The following GABPB2 variants were observed in gnomAD, a reference collection of about 807,000 sequenced individuals.
GABPB2 encodes GA-binding protein subunit beta-2.
In GABPB2, 23 loss-of-function variants were observed where a neutral mutation model predicts 39.1. That is an observed-to-expected ratio of 0.59 (90% CI 0.42 to 0.83). GABPB2 has a LOEUF of 0.83. Ranked by LOEUF, GABPB2 falls within the 40% of genes least tolerant of loss-of-function variation. The pLI is 0.00. For synonymous variants in GABPB2, 184 were observed against 199.3 expected (o/e 0.92, Z 0.65); for missense variants, 467 against 541.1 (o/e 0.86, Z 1.36).
chr1:151,084,046 T>C lies in GABPB2; in HGVS notation c.1-4144T>C, dbSNP rs587735588. Among the ~76,000 whole-genome samples, 20 of 150,238 alleles carry C rather than the reference T, an allele frequency of 1.3e-4. 1 individual carries two copies. The South Asian group carries it at 4.0e-3, about 30-fold the overall frequency. ...GAGCCACCGTGCCCATCCTTTTATTTTTATTATATATATAAAAAAATATAT... is the reference window on the plus strand; with the variant it reads ...GAGCCACCGTGCCCATCCTTTTATTCTTATTATATATATAAAAAAATATAT... On this transcript the variant is annotated intron_variant, in intron 1 of 8. Coordinates refer to ENST00000368918, the MANE Select transcript of GABPB2 (RefSeq NM_144618.3).
intron 1 of GABPB2, among the ~76,000 whole-genome samples, chr1:151,082,537 G>A (rs1677817263): frequency 1.3e-5 from 2 of 150,436 alleles, no homozygotes; most frequent in Admixed American, 1.3e-4. Context: ...TGAGTAGCTG[G>A]GACTACAGGC....
At chr1:151,085,965 G>A (rs901635011) in intron 1 of GABPB2, among the ~76,000 whole-genome samples, 3 of 152,188 alleles carry the variant, frequency 2.0e-5, no homozygotes, top group African/African-American at 7.2e-5. Flanking sequence ...TAGAGAAGAG[G>A]CTGGGTGTGG....
chr1:151,110,462 ATAAAC>A (rs1345449496), intron 7 of GABPB2, among the ~76,000 whole-genome samples: 1 of 151,894 alleles, frequency 6.6e-6, no homozygotes, highest in East Asian at 1.9e-4. Flanking sequence ...TTTTACCTAA[ATAAAC>A]TATACTACTT....
rs587662592 is a variant in GABPB2 at position 151,117,568 on chromosome 1, C to G, written c.1047+52C>G. 2,684 of 1,554,672 alleles carry G rather than the reference C, an allele frequency of 1.7e-3. 64 individuals are homozygous for G. In the South Asian group the frequency reaches 0.029, roughly 17 times the overall value. On this transcript the variant is annotated intron_variant, in intron 8 of 8. Coordinates refer to ENST00000368918, the MANE Select transcript of GABPB2 (RefSeq NM_144618.3). ...AATTTAAAGCCTTAATTATTAAGGC[C>G]TGAACCCTTCTTCATCTTTTCTTTT...
At chr1:151,072,371 AC>A (rs1676801945) in intron 1 of GABPB2, among the ~76,000 whole-genome samples, 1 of 151,494 alleles carries the variant, frequency 6.6e-6, no homozygotes, top group African/African-American at 2.4e-5. Flanking sequence ...AAATAGGGAG[AC>A]CCCTGTCGGT....
At chr1:151,092,534 A>C (rs960052647) in intron 3 of GABPB2, among the ~76,000 whole-genome samples, 4 of 151,670 alleles carry the variant, frequency 2.6e-5, no homozygotes, top group African/African-American at 9.7e-5. Flanking sequence ...GATTACAGGC[A>C]TGAGCCATTG....
At chr1:151,099,497 A>G (rs1039192557) in intron 5 of GABPB2, among the ~76,000 whole-genome samples, 1 of 152,212 alleles carries the variant, frequency 6.6e-6, no homozygotes, top group African/African-American at 2.4e-5. Flanking sequence ...CACCTGGCCT[A>G]TCAGTTAGCA....
Position 151,088,267 on chromosome 1 carries a change from G to A in GABPB2, c.78G>A (p.Met26Ile), listed in dbSNP as rs1451713550. The A allele has an allele frequency of 6.2e-7, 1 of 1,613,750 alleles. No individual in the cohort carries two copies. The highest frequency in any genetic ancestry group is 1.7e-5 in the Admixed American group (1 of 59,930). ...KGQDDEVRTL[M>I]ANGAPFTTDW... The stretch of plus-strand genomic sequence containing the variant: ...AAGATGATGAAGTGAGAACGTTGAT[G>A]GCAAATGGCGCCCCATTCACCACAG... The change falls in exon 2 of 9, where the codon ATG (methionine) becomes ATA (isoleucine). Residue 26 changes from methionine (M) to isoleucine (I), a missense_variant. Coordinates refer to ENST00000368918, the MANE Select transcript of GABPB2 (RefSeq NM_144618.3).
chr1:151,086,594 CA>C (rs2101473803), intron 1 of GABPB2, among the ~76,000 whole-genome samples: 1 of 152,204 alleles, frequency 6.6e-6, no homozygotes, highest in Non-Finnish European at 1.5e-5. Flanking sequence ...CAGGGACCAC[CA>C]GGGGTCCATA....
rs183496552 is a variant in GABPB2, at chr1:151,102,545, C to T, written c.623-1017C>T. Among the ~76,000 whole-genome samples the T allele has an allele frequency of 1.2e-4, 18 of 152,116 alleles. No individual in the cohort carries two copies. The East Asian group carries it at 3.3e-3, about 28-fold the overall frequency. ...GCAATCTCCACTTCCTAAGTTCAAG[C>T]GATTCTCTTGCCTCAGCCTCCTGAG... On this transcript the variant is annotated intron_variant, in intron 5 of 8. Transcript: ENST00000368918.
At chr1:151,073,650 G>C (rs1255092318) in intron 1 of GABPB2, among the ~76,000 whole-genome samples, 2 of 152,104 alleles carry the variant, frequency 1.3e-5, no homozygotes, top group African/African-American at 4.8e-5. Context: ...AGGCCGGCGC[G>C]GTGGCTCATC....
chr1:151,099,290 C>T (rs1475512312), intron 5 of GABPB2, among the ~76,000 whole-genome samples: 2 of 151,654 alleles, frequency 1.3e-5, no homozygotes, highest in African/African-American at 4.8e-5. Context: ...CTTTGCCTCC[C>T]GGGTTCAAGC....
intron 5 of GABPB2, among the ~76,000 whole-genome samples, 155 bp downstream of exon 5, chr1:151,098,157 T>C (rs1260378700): frequency 6.6e-6 from 1 of 152,226 alleles, no homozygotes; most frequent in Non-Finnish European, 1.5e-5. Flanking sequence ...GAGGTACTTA[T>C]TCTTTCTGGG....
At chr1:151,084,930 T>C (rs934846966) in intron 1 of GABPB2, among the ~76,000 whole-genome samples, 1 of 151,912 alleles carries the variant, frequency 6.6e-6, no homozygotes, top group Non-Finnish European at 1.5e-5. Context: ...ACTCTGTCTC[T>C]ACAAAAAATT....
chr1:151,109,004 T>G (rs958955331), intron 7 of GABPB2, among the ~76,000 whole-genome samples: 1 of 151,836 alleles, frequency 6.6e-6, no homozygotes, highest in African/African-American at 2.4e-5. Context: ...TGGGGCAACA[T>G]AGCAAGACCC....
intron 7 of GABPB2, among the ~76,000 whole-genome samples, chr1:151,107,709 G>A (rs1680082309): frequency 6.6e-6 from 1 of 152,118 alleles, no homozygotes; most frequent in South Asian, 2.1e-4. Flanking sequence ...GCTGACGCAG[G>A]AGGATCACTT....
chr1:151,082,160 T>G (rs2101453200), intron 1 of GABPB2, among the ~76,000 whole-genome samples: 1 of 141,418 alleles, frequency 7.1e-6, no homozygotes, highest in South Asian at 2.4e-4. Context: ...CACCACAACC[T>G]CTACCTCCCG....
chr1:151,089,972 C>T (rs775063616), intron 2 of GABPB2, among the ~76,000 whole-genome samples: 1 of 147,266 alleles, frequency 6.8e-6, no homozygotes, highest in South Asian at 2.1e-4. Context: ...GTGTTTCACT[C>T]TGTCGCCCAG....
chr1:151,104,047 T>C (rs1679743828), intron 6 of GABPB2, among the ~76,000 whole-genome samples: 2 of 152,180 alleles, frequency 1.3e-5, no homozygotes, highest in African/African-American at 4.8e-5. Context: ...CCAGATATCT[T>C]ATATTAAAGT....
Sources: allele counts gnomAD v4.1 joint callset (sites outside exome capture counted in the v4.1 genomes callset), GRCh38; gene constraint gnomAD v4.1.1; transcripts MANE v1.5; gene names NCBI Gene and HGNC (gene_info 2026-07-23, HGNC 2026-07-21).